The following CEP85L variants were observed in gnomAD, a reference collection of about 807,000 sequenced individuals.
CEP85L encodes the protein centrosomal protein 85L.
CEP85L carries 60 observed loss-of-function variants against 100.3 expected under a neutral mutation model. That is an observed-to-expected ratio of 0.60 (90% confidence interval 0.49 to 0.74). CEP85L has a LOEUF of 0.74. CEP85L is among the 30% of genes least tolerant of loss of function. CEP85L has a pLI of 0.00. For missense variants in CEP85L, 973 were observed against 936.2 expected (o/e 1.04, Z -0.51); for synonymous variants, 319 against 322.7 (o/e 0.99, Z 0.12).
intron 1 of CEP85L, among the ~76,000 whole-genome samples, chr6:118,646,324 T>A (rs534898824): frequency 1.3e-5 from 1 of 78,582 alleles, no homozygotes; most frequent in Admixed American, 1.4e-4. Flanking sequence ...ACTTTGCCAG[T>A]GTAAAATATG....
intron 5 of CEP85L, among the ~76,000 whole-genome samples, chr6:118,499,953 A>G (rs946740023): frequency 2.6e-5 from 4 of 152,244 alleles, no homozygotes; most frequent in African/African-American, 9.6e-5. Flanking sequence ...TAAAACCATC[A>G]TTGTTCACAG....
rs1215877169 is a variant in CEP85L, at chr6:118,464,200, C to A, written c.*1205G>T. The A allele has an allele frequency of 6.6e-6, 1 of 152,154 alleles. No homozygotes were observed. The highest frequency in any genetic ancestry group is 2.4e-5 in the African/African-American group (1 of 41,466). 9.4% of individuals were successfully genotyped at this position (152,154 alleles called of 1,614,324 possible). ...ATGTATAATCCTTCCAAAATACCAA[C>A]AGAAACATGGACAACACTCATTTGG... On this transcript the variant is annotated 3_prime_UTR_variant, in exon 13 of 13. Coordinates refer to ENST00000368491, the MANE Select transcript of CEP85L (RefSeq NM_001042475.3).
At chr6:118,563,237 T>G (rs963089912) in intron 3 of CEP85L, among the ~76,000 whole-genome samples, 6 of 152,200 alleles carry the variant, frequency 3.9e-5, no homozygotes, top group African/African-American at 1.4e-4. Flanking sequence ...TCTTGATGAT[T>G]TAGCAGAAAA....
At chr6:118,558,327 G>A (rs1583044723) in intron 3 of CEP85L, among the ~76,000 whole-genome samples, 1 of 152,064 alleles carries the variant, frequency 6.6e-6, no homozygotes, top group Non-Finnish European at 1.5e-5. Context: ...AGAAGTGTTT[G>A]GGGTCTTTAT....
At chr6:118,519,282 T>A (rs1776471905) in intron 4 of CEP85L, among the ~76,000 whole-genome samples, 1 of 151,838 alleles carries the variant, frequency 6.6e-6, no homozygotes, top group Non-Finnish European at 1.5e-5. Flanking sequence ...GGTGAAACCC[T>A]GTCTCTACTA....
Position 118,686,710 on chromosome 6 carries a change from G to A in CEP85L, c.-28+23326C>T, listed in dbSNP as rs571684354. Among the ~76,000 whole-genome samples the A allele has an allele frequency of 1.2e-3, 186 of 152,216 alleles. 1 individual carries two copies. The highest frequency in any genetic ancestry group is 1.9e-3 in the Non-Finnish European group (126 of 68,000). On this transcript the variant is annotated intron_variant, in intron 1 of 13. Coordinates refer to the CEP85L transcript ENST00000368488. ...TTGAGGTCTTTGTGTGGACACCTAC[G>A]TGCATTTCAAGCAAAACGTAACTAA...
chr6:118,587,668 T>C (rs900578497), intron 2 of CEP85L, among the ~76,000 whole-genome samples: 2 of 152,150 alleles, frequency 1.3e-5, no homozygotes, highest in Non-Finnish European at 2.9e-5. Context: ...GGCGGCTTAC[T>C]GATCTGAGGG....
intron 3 of CEP85L, among the ~76,000 whole-genome samples, chr6:118,564,765 T>C (rs1297101023): frequency 2.0e-5 from 3 of 152,150 alleles, no homozygotes; most frequent in African/African-American, 4.8e-5. Context: ...TTTCAGAAAA[T>C]TCTGATGATA....
intron 10 of CEP85L, among the ~76,000 whole-genome samples, chr6:118,478,551 CAA>C (rs563836351): frequency 1.3e-5 from 2 of 151,764 alleles, no homozygotes; most frequent in Non-Finnish European, 2.9e-5. Flanking sequence ...AAAAGAAAAC[CAA>C]AAAAGATAGC....
chr6:118,670,636 A>C (rs1209647964), intron 1 of CEP85L, among the ~76,000 whole-genome samples: 1 of 152,172 alleles, frequency 6.6e-6, no homozygotes, highest in African/African-American at 2.4e-5. Context: ...TTCAAGAATG[A>C]GGAAAGGGGA....
intron 4 of CEP85L, among the ~76,000 whole-genome samples, chr6:118,516,084 C>T (rs1481137561): frequency 1.3e-5 from 2 of 152,218 alleles, no homozygotes; most frequent in South Asian, 2.1e-4. Flanking sequence ...TGAACTCATC[C>T]GTTTTTATGG....
At chr6:118,539,973 C>A (rs951085826) in intron 3 of CEP85L, among the ~76,000 whole-genome samples, 14 of 151,510 alleles carry the variant, frequency 9.2e-5, no homozygotes, top group African/African-American at 3.2e-4. Flanking sequence ...CATGGTGAAA[C>A]TGTTGAGTGG....
At chr6:118,574,287 A>G (rs773491785) in intron 2 of CEP85L, among the ~76,000 whole-genome samples, 8 of 152,224 alleles carry the variant, frequency 5.3e-5, no homozygotes, top group South Asian at 2.1e-4. Flanking sequence ...TTTAAGTCTT[A>G]GCCAGTCAGG....
At chr6:118,564,143 T>C (rs1300590507) in intron 3 of CEP85L, among the ~76,000 whole-genome samples, 1 of 147,492 alleles carries the variant, frequency 6.8e-6, no homozygotes, top group African/African-American at 2.4e-5. Flanking sequence ...CTGCATTGCT[T>C]TGAGGCTAAG....
intron 2 of CEP85L, among the ~76,000 whole-genome samples, chr6:118,604,848 G>C (rs1267106899): frequency 6.6e-6 from 1 of 152,102 alleles, no homozygotes; most frequent in Non-Finnish European, 1.5e-5. Flanking sequence ...ACATTTTCAA[G>C]ACATTTTATT....
At chr6:118,651,696 GC>G (rs1228586639), upstream of CEP85L, 1 of 657,800 alleles carries the variant, frequency 1.5e-6, no homozygotes, top group Admixed American at 8.6e-5. Flanking sequence ...GGCGGGGACT[GC>G]GGGGGGCGGG....
chr6:118,650,614 G>A (rs954317526), intron 1 of CEP85L, among the ~76,000 whole-genome samples: 1 of 152,148 alleles, frequency 6.6e-6, no homozygotes, highest in Non-Finnish European at 1.5e-5. Flanking sequence ...TCCTCCGAGG[G>A]GCTGAAGTTC....
At chr6:118,509,404 G>C (rs1775841536) in intron 5 of CEP85L, among the ~76,000 whole-genome samples, 2 of 151,986 alleles carry the variant, frequency 1.3e-5, no homozygotes, top group South Asian at 2.1e-4. Context: ...TCAAATAACT[G>C]TACATTATTC....
intron 4 of CEP85L, among the ~76,000 whole-genome samples, chr6:118,519,470 GTGT>G (rs1562222882): frequency 1.8e-5 from 1 of 54,526 alleles, no homozygotes. Context: ...GTGTGTGTGT[GTGT>G]GGCGGGGGGG....
Sources: allele counts gnomAD v4.1 joint callset (sites outside exome capture counted in the v4.1 genomes callset), GRCh38; gene constraint gnomAD v4.1.1; transcripts MANE v1.5; gene names NCBI Gene and HGNC (gene_info 2026-07-23, HGNC 2026-07-21).